CCR6: variants seen among roughly 807,000 people sequenced by gnomAD.
The protein encoded by CCR6 is C-C motif chemokine receptor 6, also known as C-C chemokine receptor type 6.
Under a neutral mutation model 3.0 loss-of-function variants are expected in CCR6, and 2 were observed. The ratio of observed to expected loss-of-function variants is 0.66; its 90% CI spans 0.27 to 2.07. CCR6 has a LOEUF of 2.07. Ranked by LOEUF, CCR6 falls within the 30% of genes most tolerant of loss-of-function variation. The probability of loss-of-function intolerance (pLI) is 0.14; values close to 1 mark genes in which losing one functional copy is unlikely to be tolerated. For missense variants in CCR6, 322 were observed against 462.8 expected (o/e 0.70, Z 2.79); for synonymous variants, 193 against 184.3 (o/e 1.05, Z -0.38).
At chr6:167,134,335 G>A (rs539395086) in intron 1 of CCR6, among the ~76,000 whole-genome samples, 13 of 151,988 alleles carry the variant, frequency 8.6e-5, no homozygotes, top group Non-Finnish European at 1.3e-4. Flanking sequence ...TCTATACCAC[G>A]CTTCTTCTGC....
Position 167,136,473 on chromosome 6 carries a change from A to C in CCR6, c.243A>C (p.Thr81=), listed in dbSNP as rs750849369. Residue 81 remains threonine, a synonymous_variant, in exon 3 of 3, where the codon ACA becomes ACC. Transcript: ENST00000341935. The surrounding 1 kb of genome is among the most constrained non-coding windows in gnomAD (Gnocchi z 4.6). The stretch of plus-strand genomic sequence containing the variant: ...TTTATAAGAAGGCCAGGTCTATGAC[A>C]GACGTCTATCTCTTGAACATGGCCA... The part of the protein sequence containing the change: ...FAFYKKARSM[T]DVYLLNMAIA... 10 of 1,601,378 alleles carry C rather than the reference A, an allele frequency of 6.2e-6. No individual in the cohort carries two copies. The highest frequency in any genetic ancestry group is 6.8e-6 in the Non-Finnish European group (8 of 1,173,692).
chr6:167,120,739 C>T (rs2114915130), upstream of CCR6: 1 of 152,354 alleles, frequency 6.6e-6, no homozygotes, highest in Admixed American at 6.5e-5. Flanking sequence ...TGTTATGAAA[C>T]ATGTGACTGT....
In CCR6 at chr6:167,133,932, GTATATATATATATATATATA is replaced by G. The variant is rs6149918; in HGVS notation, c.-97-2087_-97-2068del. On this transcript the variant is annotated intron_variant, in intron 1 of 2. Coordinates refer to ENST00000341935, the MANE Select transcript of CCR6 (RefSeq NM_031409.4). ...ATACTATTATATATGATATATGTGT[GTATATATATATATATATATA>G]TATATATATATATATATAGTTTTAA... 1.5e-3 allele frequency among the ~76,000 whole-genome samples: 166 copies of G among 110,374 alleles called. 3 individuals are homozygous for G. The highest frequency in any genetic ancestry group is 0.01 in the Middle Eastern group (2 of 194). 72.4% of individuals were successfully genotyped at this position (110,374 alleles called of 152,430 possible). A position where few individuals can be genotyped will look rare whatever the true frequency, so the allele number is the denominator to read the frequency against.
At chr6:167,125,930 CAT>C (rs1420872825) in intron 1 of CCR6, among the ~76,000 whole-genome samples, 16 of 152,264 alleles carry the variant, frequency 1.1e-4, no homozygotes, top group African/African-American at 2.6e-4. Context: ...CAGTTTTAAA[CAT>C]GTGTGATAAC....
At chr6:167,117,921 A>G (rs1168754568), upstream of CCR6, among the ~76,000 whole-genome samples, 2 of 148,458 alleles carry the variant, frequency 1.3e-5, no homozygotes, top group Non-Finnish European at 3.0e-5. Context: ...TTCACTCTGC[A>G]GGTTTCCTAT....
At chr6:167,114,460 G>C (rs1213492789) in intron 1 of CCR6, among the ~76,000 whole-genome samples, 4 of 152,200 alleles carry the variant, frequency 2.6e-5, no homozygotes, top group African/African-American at 9.7e-5. Context: ...ACCCCAAGGA[G>C]AGGCAATTCA....
chr6:167,130,978 C>CT (rs1781749818), intron 1 of CCR6, among the ~76,000 whole-genome samples: 3 of 129,092 alleles, frequency 2.3e-5, no homozygotes, highest in African/African-American at 9.3e-5. Flanking sequence ...CTGGGACCAC[C>CT]CTCCCTCTGG....
intron 1 of CCR6, chr6:167,116,778 C>G (rs940245535): frequency 6.6e-6 from 1 of 152,372 alleles, no homozygotes; most frequent in Non-Finnish European, 1.5e-5. Context: ...CTCCCAGTCC[C>G]GGACGCCTGC....
chr6:167,132,543 A>C (rs370629313), intron 1 of CCR6, among the ~76,000 whole-genome samples: 4 of 150,780 alleles, frequency 2.7e-5, no homozygotes, highest in Admixed American at 2.6e-4. Context: ...GTGTGTGTGT[A>C]TGTGTGTGTG....
chr6:167,117,575 C>T (rs1781519940), intron 1 of CCR6, among the ~76,000 whole-genome samples: 1 of 151,668 alleles, frequency 6.6e-6, no homozygotes, highest in Non-Finnish European at 1.5e-5. Context: ...CGCCACCACG[C>T]CCGGCTAATT....
intron 1 of CCR6, chr6:167,126,794 C>T (rs1781675184): frequency 6.6e-6 from 1 of 152,216 alleles, no homozygotes; most frequent in African/African-American, 2.4e-5. Context: ...GGGCAGTATC[C>T]TGTTCTCGTG....
At chr6:167,131,110 C>T (rs1044387779) in intron 1 of CCR6, 3 of 152,332 alleles carry the variant, frequency 2.0e-5, no homozygotes, top group Admixed American at 2.0e-4. Context: ...CAGTGCTGGC[C>T]TTCTGTTCAC....
upstream of CCR6, among the ~76,000 whole-genome samples, chr6:167,119,770 T>A (rs1781559142): frequency 6.6e-6 from 1 of 152,224 alleles, no homozygotes; most frequent in Non-Finnish European, 1.5e-5. Flanking sequence ...TTTAACTTTT[T>A]TATGAAGAAA....
Position 167,136,187 on chromosome 6 carries a change from G to A in CCR6, c.9+44G>A. ...GCAAGGGGTATAATTTGGGTTCACTGTGGCTACTTGAACACTACACTGCAG... is the reference window on the plus strand; with the variant it reads ...GCAAGGGGTATAATTTGGGTTCACTATGGCTACTTGAACACTACACTGCAG... On this transcript the variant is annotated intron_variant, in intron 2 of 2. Coordinates refer to ENST00000341935, the MANE Select transcript of CCR6 (RefSeq NM_031409.4). This position sits in a 1 kb window ranked among gnomAD's most constrained non-coding sequence, Gnocchi z 4.6. 1 of 1,612,522 alleles carries A rather than the reference G, an allele frequency of 6.2e-7. No homozygotes were observed. The highest frequency in any genetic ancestry group is 1.3e-5 in the African/African-American group (1 of 74,964).
In CCR6 at chr6:167,137,444, T is replaced by A. The variant is rs1214616804; in HGVS notation, c.*89T>A. The A allele has an allele frequency of 7.4e-7, 1 of 1,355,558 alleles. No homozygotes were observed. The highest frequency in any genetic ancestry group is 1.5e-5 in the African/African-American group (1 of 68,412). The allele number at this position is 1,355,558 out of a possible 1,614,324, so 84.0% of individuals were successfully genotyped here. A position where few individuals can be genotyped will look rare whatever the true frequency, so the allele number is the denominator to read the frequency against. ...TCTATGGCCAGGTATGCATGGAAAA[T>A]GTGGGAATTAAGCAAAATCAAGCAA... On this transcript the variant is annotated 3_prime_UTR_variant, in exon 3 of 3. Coordinates refer to ENST00000341935, the MANE Select transcript of CCR6 (RefSeq NM_031409.4). The surrounding 1 kb of genome is among the most constrained non-coding windows in gnomAD (Gnocchi z 4.6).
chr6:167,134,255 T>C (rs765390452), intron 1 of CCR6, among the ~76,000 whole-genome samples: 2 of 152,114 alleles, frequency 1.3e-5, no homozygotes, highest in Non-Finnish European at 2.9e-5. Flanking sequence ...AGTTTAGCAG[T>C]GGTGTTCTGA....
intron 1 of CCR6, among the ~76,000 whole-genome samples, chr6:167,123,482 A>G (rs1781618997): frequency 6.6e-6 from 1 of 152,234 alleles, no homozygotes; most frequent in East Asian, 1.9e-4. Flanking sequence ...TGGTCTGGGT[A>G]CTTGCTCCTC....
chr6:167,112,007 C>T (rs1403279569), exon 1 of CCR6: 1 of 151,940 alleles, frequency 6.6e-6, no homozygotes, highest in Non-Finnish European at 1.5e-5. Flanking sequence ...ACAGCTCCTT[C>T]TTTATTGGTA....
chr6:167,117,545 T>C (rs1027122009), intron 1 of CCR6, among the ~76,000 whole-genome samples: 15 of 150,350 alleles, frequency 1.0e-4, no homozygotes, highest in Admixed American at 7.3e-4. Flanking sequence ...GCCTCCCGAG[T>C]AGCTGGGACT....
Sources: gnomAD v4.1 joint callset for allele counts (sites outside exome capture counted in the v4.1 genomes callset) on GRCh38, gnomAD v4.1.1 for gene constraint, Gnocchi (gnomAD v3.1) non-coding constraint, MANE v1.5 for transcripts, NCBI Gene and HGNC (gene_info 2026-07-23, HGNC 2026-07-21) for gene names.